The following FRMPD3 variants were observed in gnomAD, a reference collection of about 807,000 sequenced individuals.
FRMPD3 encodes FERM and PDZ domain-containing protein 3.
Under a neutral mutation model 97.9 loss-of-function variants are expected in FRMPD3, and 42 were observed. The observed-to-expected ratio is 0.43, with a 90% CI of 0.34 to 0.55. The LOEUF (loss-of-function observed/expected upper bound fraction) is 0.55, where lower values mean the gene tolerates loss of function less well. Among genes scored for constraint, FRMPD3 ranks in the 20% least tolerant of loss-of-function variants. FRMPD3 has a pLI of 0.03. For missense variants in FRMPD3, 1,303 were observed against 1,457.7 expected (o/e 0.89, Z 1.73); for synonymous variants, 577 against 581.1 (o/e 0.99, Z 0.10).
At chrX:107,582,299 T>C (rs1488262132) in intron 13 of FRMPD3, among the ~76,000 whole-genome samples, 1 of 111,176 alleles carries the variant, frequency 9.0e-6, no homozygotes, top group Non-Finnish European at 1.9e-5. Flanking sequence ...TTCTCCTGCC[T>C]CAGCCTTCTG....
At chrX:107,485,509 T>C (rs1921481725) in intron 1 of FRMPD3, among the ~76,000 whole-genome samples, 1 of 112,875 alleles carries the variant, frequency 8.9e-6, no homozygotes, top group South Asian at 3.7e-4. Context: ...TGCAGGTTTC[T>C]TCCTGGGTTT....
At chrX:107,520,490 A>T (rs1922471667) in intron 1 of FRMPD3, among the ~76,000 whole-genome samples, 1 of 108,792 alleles carries the variant, frequency 9.2e-6, no homozygotes, top group Non-Finnish European at 1.9e-5. Context: ...AAATACAAAA[A>T]AAAAAAAACA....
At chrX:107,457,103 C>T (rs1054284802) in intron 1 of FRMPD3, among the ~76,000 whole-genome samples, 4 of 110,567 alleles carry the variant, frequency 3.6e-5, no homozygotes, top group Non-Finnish European at 5.7e-5. Flanking sequence ...GCCTGCATAA[C>T]CAGGAGGGTA....
intron 1 of FRMPD3, among the ~76,000 whole-genome samples, chrX:107,516,667 A>G (rs1569414374): frequency 5.4e-5 from 6 of 110,688 alleles, no homozygotes. Flanking sequence ...GGCTGCATAA[A>G]TGTCTTCTTT....
intron 1 of FRMPD3, among the ~76,000 whole-genome samples, chrX:107,457,574 G>A (rs1019445417): frequency 8.9e-6 from 1 of 111,753 alleles, no homozygotes; most frequent in African/African-American, 3.3e-5. Flanking sequence ...CCTTGATATT[G>A]GCTGAAGTCT....
At chrX:107,509,262 G>A (rs1922108740) in intron 1 of FRMPD3, among the ~76,000 whole-genome samples, 1 of 112,452 alleles carries the variant, frequency 8.9e-6, no homozygotes, top group Non-Finnish European at 1.9e-5. Context: ...GGCATAATGG[G>A]GTATGTGAGC....
At chrX:107,503,032 G>A (rs1278754072) in intron 1 of FRMPD3, among the ~76,000 whole-genome samples, 1 of 111,555 alleles carries the variant, frequency 9.0e-6, no homozygotes, top group Non-Finnish European at 1.9e-5. Flanking sequence ...CTCATCCTAG[G>A]GCAGATATAA....
chrX:107,579,594 T>A (rs1923285897), intron 13 of FRMPD3, among the ~76,000 whole-genome samples: 1 of 112,008 alleles, frequency 8.9e-6, no homozygotes, highest in African/African-American at 3.2e-5. Context: ...TTTGCATTTA[T>A]ATATAAGAGA....
intron 1 of FRMPD3, among the ~76,000 whole-genome samples, chrX:107,522,125 G>A (rs372399222): frequency 1.3e-4 from 15 of 111,195 alleles, no homozygotes; most frequent in Non-Finnish European, 2.8e-4. Context: ...GAGAATGAGC[G>A]GACAGAGTAC....
chrX:107,560,310 G>A lies in FRMPD3; in HGVS notation c.816G>A (p.Met272Ile). ...TTGGAATGGATCCCAAGCCAGAGATGCTTTTGGGCCTTGCTGCGCTCCACA... is the reference window on the plus strand; with the variant it reads ...TTGGAATGGATCCCAAGCCAGAGATACTTTTGGGCCTTGCTGCGCTCCACA... ...ERFGMDPKPEMLLGLAALHIY... is the reference protein window; with the variant it reads ...ERFGMDPKPEILLGLAALHIY... Residue 272 changes from methionine (M) to isoleucine (I), a missense_variant, in exon 9 of 15, where the codon ATG (methionine) becomes ATA (isoleucine). Physicochemically the swap from Met to Ile is conservative, Grantham distance 10. Around this residue, in one of 3 missense-constraint regions of FRMPD3, gnomAD observed 535 missense variants for 618.6 expected, o/e 0.86. Coordinates refer to ENST00000683843, the MANE Select transcript of FRMPD3 (RefSeq NM_001388459.1). 8.3e-7 allele frequency: 1 copy of A among 1,209,341 alleles called. No individual in the cohort carries two copies. Among genetic ancestry groups the A allele is most frequent in the Non-Finnish European group, 1.1e-6 (1 of 894,882 alleles).
chrX:107,553,139 T>C (rs1312995608), intron 7 of FRMPD3, among the ~76,000 whole-genome samples: 2 of 110,243 alleles, frequency 1.8e-5, no homozygotes, highest in African/African-American at 6.6e-5. Flanking sequence ...TCTTGGTCTC[T>C]AGGGGGAAGA....
In FRMPD3 at chrX:107,454,163, T is replaced by C. The variant is rs148901413; in HGVS notation, c.-8+4158T>C. Among the ~76,000 whole-genome samples, 353 of 111,689 alleles carry C rather than the reference T, an allele frequency of 3.2e-3. 1 individual carries two copies. The highest frequency in any genetic ancestry group is 0.011 in the African/African-American group (341 of 30,717). Reference sequence around the variant, plus strand: ...GCTAGGTTCTAATATCTGGGTCTCCTTCCAGCCAAGTGACCCCTCCTTTTT... The same window carrying C: ...GCTAGGTTCTAATATCTGGGTCTCCCTCCAGCCAAGTGACCCCTCCTTTTT... On this transcript the variant is annotated intron_variant, in intron 1 of 14. Transcript: ENST00000683843.
intron 13 of FRMPD3, among the ~76,000 whole-genome samples, chrX:107,578,622 T>C (rs1483428653): frequency 6.3e-5 from 7 of 111,819 alleles, no homozygotes. Flanking sequence ...GTTTTTGTGG[T>C]ACTTCTCCCT....
At chrX:107,589,207 A>G (rs1030221340) in intron 13 of FRMPD3, among the ~76,000 whole-genome samples, 1 of 108,925 alleles carries the variant, frequency 9.2e-6, no homozygotes, top group African/African-American at 3.4e-5. Context: ...TCTTATTTTC[A>G]TGAGTTTGTG....
At chrX:107,570,621 CCCCCAAA>C (rs1483293622) in intron 12 of FRMPD3, among the ~76,000 whole-genome samples, 34 of 111,280 alleles carry the variant, frequency 3.1e-4, no homozygotes, top group African/African-American at 1.1e-3. Flanking sequence ...TTCTGCCTTG[CCCCCAAA>C]TTGGCTGGCT....
In FRMPD3 at chrX:107,564,872, A is replaced by G. The variant is rs1453988795; in HGVS notation, c.1117-15A>G. The G allele has an allele frequency of 2.5e-6, 3 of 1,207,612 alleles. No homozygotes were observed. The African/African-American group carries it at 5.3e-5, about 21-fold the overall frequency. On this transcript the variant is annotated splice_polypyrimidine_tract_variant and intron_variant, in intron 11 of 14. Transcript: ENST00000683843. ...CTTCCTTCTGTGAACGTTGCCTGCC[A>G]TTCTTGGGCACCAGGATGAGAAGCA... is the stretch of plus-strand genomic sequence containing the variant.
Position 107,602,283 on chromosome X carries a change from A to T in FRMPD3, c.4244A>T (p.His1415Leu), listed in dbSNP as rs1284145983. ...RASLTSDVYPHPPLGMLPREA... is the reference protein window; with the variant it reads ...RASLTSDVYPLPPLGMLPREA... ...TCGCTGACCTCGGATGTCTACCCAC[A>T]TCCTCCCCTGGGCATGCTGCCCAGG... Residue 1415 changes from histidine (H) to leucine (L), a missense_variant, in exon 15 of 15, where the codon CAT becomes CTT. Coordinates refer to ENST00000683843, the MANE Select transcript of FRMPD3 (RefSeq NM_001388459.1). 2 of 1,207,025 alleles carry T rather than the reference A, an allele frequency of 1.7e-6. No individual in the cohort carries two copies. Among genetic ancestry groups the T allele is most frequent in the Non-Finnish European group, 2.2e-6 (2 of 894,051 alleles).
chrX:107,478,789 G>A (rs1388210439), intron 1 of FRMPD3, among the ~76,000 whole-genome samples: 6 of 112,370 alleles, frequency 5.3e-5, no homozygotes, highest in South Asian at 3.7e-4. Flanking sequence ...ATTGGTGACC[G>A]TGTGCAGATA....
intron 1 of FRMPD3, among the ~76,000 whole-genome samples, chrX:107,483,136 A>G (rs1482330426): frequency 5.4e-5 from 6 of 111,677 alleles, no homozygotes; most frequent in East Asian, 5.6e-4. Context: ...GGGCTACCAT[A>G]TATAGTTGTG....
Sources: allele counts gnomAD v4.1 joint callset (sites outside exome capture counted in the v4.1 genomes callset), GRCh38; gene constraint gnomAD v4.1.1; regional missense constraint gnomAD v4.1.1; transcripts MANE v1.5; gene names NCBI Gene and HGNC (gene_info 2026-07-23, HGNC 2026-07-21).